The following NPAS3 variants were observed in gnomAD, a reference collection of about 807,000 sequenced individuals.
NPAS3 encodes the protein neuronal PAS domain-containing protein 3.
In NPAS3, 14 loss-of-function variants were observed where a neutral mutation model predicts 73.1. That is an observed-to-expected ratio of 0.19 (90% CI 0.13 to 0.30). The LOEUF is 0.30. Ranked by LOEUF, NPAS3 falls within the 10% of genes least tolerant of loss-of-function variation. The pLI, the probability that NPAS3 is intolerant of heterozygous loss-of-function variation, is 1.00. For missense variants in NPAS3, 1,096 were observed against 1,250.0 expected (o/e 0.88, Z 1.86); for synonymous variants, 620 against 541.5 (o/e 1.14, Z -2.01).
chr14:33,418,551 C>G (rs919684127), intron 4 of NPAS3, among the ~76,000 whole-genome samples: 1 of 151,964 alleles, frequency 6.6e-6, no homozygotes, highest in Non-Finnish European at 1.5e-5. Context: ...TGCTTCCCCT[C>G]TCTTACATTC....
intron 4 of NPAS3, among the ~76,000 whole-genome samples, chr14:33,495,074 T>A (rs2052104348): frequency 6.6e-6 from 1 of 152,156 alleles, no homozygotes; most frequent in African/African-American, 2.4e-5. Flanking sequence ...TGTTAGGGCA[T>A]CGATTTTAGA....
chr14:33,509,198 C>G (rs982566246), intron 4 of NPAS3, among the ~76,000 whole-genome samples: 4 of 151,892 alleles, frequency 2.6e-5, no homozygotes, highest in Non-Finnish European at 5.9e-5. Context: ...TATCGCTTGG[C>G]AAATCATATT....
chr14:33,437,568 G>A (rs1297042721), intron 4 of NPAS3, among the ~76,000 whole-genome samples: 1 of 146,910 alleles, frequency 6.8e-6, no homozygotes, highest in Non-Finnish European at 1.5e-5. Flanking sequence ...TTGATAAAGA[G>A]AGGGAGAGTC....
chr14:33,577,583 A>G (rs1368397771), intron 5 of NPAS3, among the ~76,000 whole-genome samples: 1 of 152,054 alleles, frequency 6.6e-6, no homozygotes, highest in Non-Finnish European at 1.5e-5. Context: ...CCAGGACTCT[A>G]CCTCTGCATT....
At chr14:33,675,211 T>G (rs979248654) in intron 5 of NPAS3, among the ~76,000 whole-genome samples, 20 of 152,140 alleles carry the variant, frequency 1.3e-4, no homozygotes, top group African/African-American at 4.6e-4. Flanking sequence ...CTGACATATC[T>G]CTCCCTGTTG....
intron 1 of NPAS3, among the ~76,000 whole-genome samples, chr14:32,975,301 C>CCTCCCTTCCTCTGTCA (rs10639233): frequency 1.3e-4 from 15 of 116,296 alleles, no homozygotes; most frequent in Non-Finnish European, 2.8e-4. Context: ...TCCCTCCCTC[C>CCTCCCTTCCTCTGTCA]CTCCCTGCCT....
intron 5 of NPAS3, among the ~76,000 whole-genome samples, chr14:33,628,301 A>G (rs1014959008): frequency 7.9e-5 from 12 of 152,208 alleles, no homozygotes; most frequent in African/African-American, 2.4e-4. Context: ...ATCTATCACA[A>G]TGGGCTTCTC....
At chr14:33,521,309 C>A (rs2053544248) in intron 4 of NPAS3, among the ~76,000 whole-genome samples, 3 of 152,050 alleles carry the variant, frequency 2.0e-5, no homozygotes, top group African/African-American at 7.2e-5. Context: ...CCTTTAACAG[C>A]TTGATAAGTA....
At chr14:33,275,537 G>C (rs2041291821) in intron 3 of NPAS3, among the ~76,000 whole-genome samples, 1 of 152,158 alleles carries the variant, frequency 6.6e-6, no homozygotes, top group African/African-American at 2.4e-5. Context: ...ATTAGTGACA[G>C]AGATTTTCAC....
intron 4 of NPAS3, among the ~76,000 whole-genome samples, chr14:33,543,731 ACATCACCTTGAG>A (rs1235719304): frequency 6.6e-6 from 1 of 152,094 alleles, no homozygotes; most frequent in Non-Finnish European, 1.5e-5. Context: ...TCTGCTTTGA[ACATCACCTTGAG>A]CACTATCATT....
Position 33,775,879 on chromosome 14 carries a change from G to A in NPAS3, c.1046+1349G>A, listed in dbSNP as rs141996722. Among the ~76,000 whole-genome samples, 332 of 152,292 alleles carry A rather than the reference G, an allele frequency of 2.2e-3. 1 individual carries two copies. The highest frequency in any genetic ancestry group is 3.6e-3 in the Non-Finnish European group (248 of 68,020). ...ACTGATCACTTACTACACATGGGGC[G>A]TGTGCAAAGCTCATCACCTGCACAA... On this transcript the variant is annotated intron_variant, in intron 8 of 11. Transcript: ENST00000356141.
chr14:33,259,203 C>T (rs2048885478), intron 3 of NPAS3, among the ~76,000 whole-genome samples: 2 of 152,184 alleles, frequency 1.3e-5, no homozygotes, highest in Non-Finnish European at 2.9e-5. Flanking sequence ...TGCCTTTTAT[C>T]CCCCAGGTTC....
chr14:33,777,425 TTTTTG>T (rs758530407), intron 8 of NPAS3, among the ~76,000 whole-genome samples: 36 of 152,248 alleles, frequency 2.4e-4, no homozygotes, highest in Non-Finnish European at 3.8e-4. Context: ...TATGTTTCTT[TTTTTG>T]TTTGTTTTTC....
chr14:33,194,622 TTG>T (rs1419836317), intron 2 of NPAS3, among the ~76,000 whole-genome samples: 1 of 152,228 alleles, frequency 6.6e-6, no homozygotes, highest in Non-Finnish European at 1.5e-5. Flanking sequence ...CCTGCTTATG[TTG>T]TTTGTGGTTA....
At chr14:33,768,774 T>G (rs987630374) in intron 7 of NPAS3, among the ~76,000 whole-genome samples, 1 of 152,230 alleles carries the variant, frequency 6.6e-6, no homozygotes, top group African/African-American at 2.4e-5. Context: ...CAATGTTATT[T>G]TTACCGCCCC....
intron 2 of NPAS3, among the ~76,000 whole-genome samples, chr14:33,079,325 C>CTTTTTTT (rs772885846): frequency 1.1e-4 from 14 of 132,314 alleles, no homozygotes; most frequent in East Asian, 4.5e-4. Context: ...TTTCTTTTTC[C>CTTTTTTT]TTTTTTTTTT....
At chr14:33,003,281 A>G (rs940205001) in intron 1 of NPAS3, among the ~76,000 whole-genome samples, 12 of 151,846 alleles carry the variant, frequency 7.9e-5, no homozygotes, top group African/African-American at 2.9e-4. Context: ...CTTTTGCAGT[A>G]TTTATTCTCT....
intron 8 of NPAS3, among the ~76,000 whole-genome samples, chr14:33,775,331 C>T (rs961280120): frequency 2.6e-5 from 4 of 152,064 alleles, no homozygotes; most frequent in Admixed American, 6.5e-5. Flanking sequence ...TATCCTTCCC[C>T]GGGTGCCACA....
At chr14:33,398,783 T>C (rs2047328751) in intron 4 of NPAS3, among the ~76,000 whole-genome samples, 1 of 152,152 alleles carries the variant, frequency 6.6e-6, no homozygotes, top group Non-Finnish European at 1.5e-5. Flanking sequence ...AAGAAAATGC[T>C]GATTGTTGAT....
Sources: allele counts gnomAD v4.1 joint callset (sites outside exome capture counted in the v4.1 genomes callset), GRCh38; gene constraint gnomAD v4.1.1; transcripts MANE v1.5; gene names NCBI Gene and HGNC (gene_info 2026-07-23, HGNC 2026-07-21).